SORL1: variants seen among roughly 807,000 people sequenced by gnomAD.
SORL1 encodes sortilin-related receptor.
In SORL1, 127 loss-of-function variants were observed where a neutral mutation model predicts 273.7. The observed-to-expected ratio is 0.46, with a 90% CI of 0.40 to 0.54. The LOEUF is 0.54. Ranked by LOEUF, SORL1 falls within the 20% of genes least tolerant of loss-of-function variation. The pLI is 0.00. For synonymous variants in SORL1, 1,031 were observed against 1,067.4 expected, an observed-to-expected ratio of 0.97 and a Z score of 0.66; for missense variants, 2,494 against 2,846.1, an observed-to-expected ratio of 0.88 and a Z score of 2.81.
At chr11:121,592,992 T>C (rs2134903918) in intron 31 of SORL1, among the ~76,000 whole-genome samples, 1 of 152,366 alleles carries the variant, frequency 6.6e-6, no homozygotes, top group Admixed American at 6.5e-5. Flanking sequence ...CTCATTGTTA[T>C]CTGTAGCTCG....
intron 45 of SORL1, among the ~76,000 whole-genome samples, chr11:121,624,861 G>T (rs750766636): frequency 2.0e-4 from 31 of 151,428 alleles, no homozygotes; most frequent in African/African-American, 7.3e-4. Context: ...AGCTTGTTGT[G>T]GGGGGGTGGT....
At chr11:121,604,779 G>C (rs1863444155) in intron 33 of SORL1, among the ~76,000 whole-genome samples, 1 of 152,108 alleles carries the variant, frequency 6.6e-6, no homozygotes, top group Non-Finnish European at 1.5e-5. Flanking sequence ...GGAAAAGTAG[G>C]AGACCCTAGG....
chr11:121,520,887 A>C (rs769019114), intron 9 of SORL1, 38 bp downstream of exon 9: 10 of 1,452,610 alleles, frequency 6.9e-6, no homozygotes, highest in Middle Eastern at 1.8e-4. Flanking sequence ...TTTTAATATA[A>C]AGGAAAGAGC....
chr11:121,555,700 A>G (rs1429202780), intron 18 of SORL1, among the ~76,000 whole-genome samples: 3 of 152,188 alleles, frequency 2.0e-5, no homozygotes, highest in African/African-American at 7.2e-5. Flanking sequence ...TATAACAATA[A>G]TCGTCTAGTA....
chr11:121,567,681 T>G (rs1265572083), intron 22 of SORL1, among the ~76,000 whole-genome samples: 1 of 152,148 alleles, frequency 6.6e-6, no homozygotes, highest in East Asian at 1.9e-4. Context: ...CCACTCCCCC[T>G]CTGAATTTGA....
intron 2 of SORL1, among the ~76,000 whole-genome samples, chr11:121,474,937 T>TTA (rs1300885065): frequency 1.3e-5 from 2 of 152,354 alleles, no homozygotes; most frequent in Admixed American, 1.3e-4. Flanking sequence ...TCTATGGAGC[T>TTA]TATAGTCTAT....
intron 30 of SORL1, 143 bp from the exon 31 acceptor site, chr11:121,590,858 G>A (rs894356047): frequency 7.0e-6 from 6 of 857,172 alleles, no homozygotes; most frequent in Non-Finnish European, 1.2e-5. Flanking sequence ...TAGATTAGCC[G>A]CTGCTCAGAG....
chr11:121,561,329 G>A (rs1862669776), intron 21 of SORL1, among the ~76,000 whole-genome samples: 1 of 152,218 alleles, frequency 6.6e-6, no homozygotes, highest in South Asian at 2.1e-4. Flanking sequence ...ACCTGTGACT[G>A]AGGAGCAGTG....
intron 34 of SORL1, 26 bp from the exon 35 acceptor site, chr11:121,605,376 A>G (rs773229825): frequency 1.1e-5 from 18 of 1,603,142 alleles, no homozygotes; most frequent in Non-Finnish European, 1.5e-5. Flanking sequence ...CCAGTGTGAC[A>G]ATATCTTTAT....
intron 29 of SORL1, 85 bp from the exon 30 acceptor site, chr11:121,589,955 G>A (rs1625828): frequency 0.59 from 900,296 of 1,513,574 alleles, 278,349 homozygotes; most frequent in Non-Finnish European, 0.65. Flanking sequence ...CTGGAACTTG[G>A]GTCTGGAGGA....
Position 121,559,640 on chromosome 11 carries a change from A to T in SORL1, c.3032A>T (p.Tyr1011Phe). 6.2e-7 allele frequency: 1 copy of T among 1,614,128 alleles called. No individual in the cohort carries two copies. The highest frequency in any genetic ancestry group is 8.5e-7 in the Non-Finnish European group (1 of 1,180,008). Residue 1011 changes from tyrosine (Y) to phenylalanine (F), a missense_variant, in exon 21 of 48, where the codon TAC (tyrosine) becomes TTC (phenylalanine). Around this residue, in one of 3 missense-constraint regions of SORL1, gnomAD observed 1,609 missense variants for 1,816.4 expected, o/e 0.89. Coordinates refer to ENST00000260197, the MANE Select transcript of SORL1 (RefSeq NM_003105.6). ...GGGCTCATGGACATGAAGATTTTCT[A>T]CAAGGGGAAGAACACTGGTAAGCCA... ...LTGLMDMKIFYKGKNTGSNAC... is the reference protein window; with the variant it reads ...LTGLMDMKIFFKGKNTGSNAC...
At chr11:121,622,134 C>T (rs373017290) in intron 44 of SORL1, 28 bp from the exon 45 acceptor site, 34 of 1,237,296 alleles carry the variant, frequency 2.7e-5, no homozygotes, top group African/African-American at 1.9e-4. Context: ...ATCCACTAAC[C>T]GCATCCCATC....
intron 1 of SORL1, among the ~76,000 whole-genome samples, chr11:121,469,194 G>C (rs1333086202): frequency 6.6e-6 from 1 of 152,160 alleles, no homozygotes; most frequent in Non-Finnish European, 1.5e-5. Flanking sequence ...GGACTGCATG[G>C]GGGCCAGGCC....
At chr11:121,517,921 T>A (rs956549961) in intron 8 of SORL1, among the ~76,000 whole-genome samples, 1 of 152,218 alleles carries the variant, frequency 6.6e-6, no homozygotes, top group Non-Finnish European at 1.5e-5. Context: ...AGTAAACTGC[T>A]ATGTGAAATG....
In SORL1 at chr11:121,550,214, T is replaced by C. The variant is rs930206352; in HGVS notation, c.2180+126T>C. On this transcript the variant is annotated intron_variant, in intron 15 of 47. Coordinates refer to ENST00000260197, the MANE Select transcript of SORL1 (RefSeq NM_003105.6). This position sits in a 1 kb window ranked among gnomAD's most constrained non-coding sequence, Gnocchi z 5.3. ...GAATTCCAAGTTAACAGCCTGCAAGTAGTTTGGGCAACATTATAAATTATG... is the reference window on the plus strand; with the variant it reads ...GAATTCCAAGTTAACAGCCTGCAAGCAGTTTGGGCAACATTATAAATTATG... The C allele has an allele frequency of 5.2e-6, 5 of 953,904 alleles. No individual in the cohort carries two copies. In the African/African-American group the frequency reaches 8.3e-5, roughly 16 times the overall value. 59.1% of individuals were successfully genotyped at this position (953,904 alleles called of 1,614,324 possible).
chr11:121,466,669 G>A (rs1335826477), intron 1 of SORL1, among the ~76,000 whole-genome samples: 2 of 152,126 alleles, frequency 1.3e-5, no homozygotes, highest in East Asian at 3.8e-4. Context: ...TGGCTCCCCT[G>A]TCCTGCGCGC....
intron 21 of SORL1, among the ~76,000 whole-genome samples, chr11:121,564,659 C>G (rs1862727186): frequency 6.6e-6 from 1 of 152,076 alleles, no homozygotes; most frequent in Non-Finnish European, 1.5e-5. Context: ...TAACTGCAGC[C>G]TCTGTCTCCT....
In SORL1 at chr11:121,628,578, G is replaced by A. The variant is rs566836395; in HGVS notation, c.6577+811G>A. Among the ~76,000 whole-genome samples, 8 of 152,258 alleles carry A rather than the reference G, an allele frequency of 5.3e-5. No individual in the cohort carries two copies. The East Asian group carries it at 7.7e-4, about 15-fold the overall frequency. On this transcript the variant is annotated intron_variant, in intron 47 of 47. Transcript: ENST00000260197. Reference sequence around the variant, plus strand: ...TACTGGTACTGATGGCCCTCGGCCCGGGCATTGGGGATCCCTGTCTTAACA... The same window carrying A: ...TACTGGTACTGATGGCCCTCGGCCCAGGCATTGGGGATCCCTGTCTTAACA...
Position 121,629,866 on chromosome 11 carries a change from A to G in SORL1, c.*303A>G, listed in dbSNP as rs1863850588. 2.9e-6 allele frequency: 1 copy of G among 342,940 alleles called. No individual in the cohort carries two copies. Among genetic ancestry groups the G allele is most frequent in the South Asian group, 4.7e-5 (1 of 21,246 alleles). The allele number at this position is 342,940 out of a possible 1,614,324, so 21.2% of individuals were successfully genotyped here. A position where few individuals can be genotyped will look rare whatever the true frequency, so the allele number is the denominator to read the frequency against. ...CTGTGAGATAATTTCGGTTCAGTAA[A>G]TTGGCCAATCTTTTTATTTTTCTAA... On this transcript the variant is annotated 3_prime_UTR_variant, in exon 48 of 48. Coordinates refer to ENST00000260197, the MANE Select transcript of SORL1 (RefSeq NM_003105.6).
Sources: allele counts gnomAD v4.1 joint callset (sites outside exome capture counted in the v4.1 genomes callset), GRCh38; gene constraint gnomAD v4.1.1; regional missense constraint gnomAD v4.1.1; non-coding constraint Gnocchi (gnomAD v3.1); transcripts MANE v1.5; gene names NCBI Gene and HGNC (gene_info 2026-07-23, HGNC 2026-07-21).